The following ZFAND1 variants were observed in gnomAD, a reference collection of about 807,000 sequenced individuals.
The protein encoded by ZFAND1 is zinc finger AN1-type containing 1.
Under a neutral mutation model 38.5 loss-of-function variants are expected in ZFAND1, and 40 were observed. That is an observed-to-expected ratio of 1.04 (90% CI 0.81 to 1.35). The LOEUF is 1.35. Ranked by LOEUF, ZFAND1 falls within the 40% of genes most tolerant of loss-of-function variation. The pLI is 0.00. For missense variants in ZFAND1, 346 were observed against 316.3 expected, an observed-to-expected ratio of 1.09 and a Z score of -0.71; for synonymous variants, 117 against 103.6, an observed-to-expected ratio of 1.13 and a Z score of -0.78.
chr8:81,710,536 C>T (rs2130410131), intron 6 of ZFAND1, among the ~76,000 whole-genome samples: 1 of 151,784 alleles, frequency 6.6e-6, no homozygotes, highest in Admixed American at 6.6e-5. Flanking sequence ...CAATGACCAC[C>T]ATAAACAAGA....
At chr8:81,718,394 G>A (rs1808376501) in intron 1 of ZFAND1, among the ~76,000 whole-genome samples, 170 bp from the exon 2 acceptor site, 1 of 152,070 alleles carries the variant, frequency 6.6e-6, no homozygotes, top group Admixed American at 6.5e-5. Context: ...ATAACTGACA[G>A]AAAGTAATTG....
At chr8:81,711,018 G>A (rs1808125815) in intron 6 of ZFAND1, among the ~76,000 whole-genome samples, 1 of 152,180 alleles carries the variant, frequency 6.6e-6, no homozygotes, top group Admixed American at 6.5e-5. Context: ...AAAGAATATG[G>A]AAAAGTTATT....
chr8:81,702,869 T>C lies in ZFAND1; in HGVS notation c.637-4A>G. 1 of 1,580,754 alleles carries C rather than the reference T, an allele frequency of 6.3e-7. No individual in the cohort carries two copies. Among genetic ancestry groups the C allele is most frequent in the Non-Finnish European group, 8.6e-7 (1 of 1,167,680 alleles). On this transcript the variant is annotated splice_region_variant and splice_polypyrimidine_tract_variant and intron_variant, in intron 7 of 7. Coordinates refer to ENST00000220669, the MANE Select transcript of ZFAND1 (RefSeq NM_024699.3). Reference sequence around the variant, plus strand: ...TAATGTGACACAGCCTTAATTTCTGTGAAGGGAGAAGTAAGTCATACTGTA... The same window carrying C: ...TAATGTGACACAGCCTTAATTTCTGCGAAGGGAGAAGTAAGTCATACTGTA...
chr8:81,708,898 C>T (rs1250993227), intron 6 of ZFAND1: 2 of 665,294 alleles, frequency 3.0e-6, no homozygotes, highest in East Asian at 8.5e-5. Context: ...AAAACTAGAG[C>T]CACAAAACTA....
At position 81,702,383 on chromosome 8, in the gene ZFAND1, C is replaced by G. The variant is rs1324594761; in HGVS notation, c.*312G>C. 2 of 173,920 alleles carry G rather than the reference C, an allele frequency of 1.1e-5. No homozygotes were observed. The highest frequency in any genetic ancestry group is 4.7e-5 in the African/African-American group (2 of 42,166). The allele number at this position is 173,920 out of a possible 1,614,324, so 10.8% of individuals were successfully genotyped here. ...CTTTGATCATGGTAAGAAGATGACA[C>G]AAAGCAGTGTCACAGCCAATCAACA... On this transcript the variant is annotated 3_prime_UTR_variant, in exon 8 of 8. Coordinates refer to ENST00000220669, the MANE Select transcript of ZFAND1 (RefSeq NM_024699.3).
At chr8:81,721,124 C>T in intron 1 of ZFAND1, 103 bp downstream of exon 1, 2 of 1,420,830 alleles carry the variant, frequency 1.4e-6, no homozygotes, top group Non-Finnish European at 9.6e-7. Context: ...CAGGCCCTGC[C>T]CAGCCTTGTG....
intron 6 of ZFAND1, among the ~76,000 whole-genome samples, chr8:81,708,096 A>G (rs940712088): frequency 1.7e-4 from 26 of 152,048 alleles, no homozygotes; most frequent in African/African-American, 6.0e-4. Context: ...TAAAAATACA[A>G]AAATTAGCCG....
At chr8:81,708,248 CAA>C (rs746812833) in intron 6 of ZFAND1, among the ~76,000 whole-genome samples, 18 of 62,942 alleles carry the variant, frequency 2.9e-4, no homozygotes, top group Middle Eastern at 0.011. Flanking sequence ...AAAGCTCCAT[CAA>C]AAAAAAAAAA....
At chr8:81,717,351 C>A (rs748526045) in intron 2 of ZFAND1, 63 bp from the exon 3 acceptor site, 2 of 1,339,042 alleles carry the variant, frequency 1.5e-6, no homozygotes, top group South Asian at 1.7e-5. Flanking sequence ...CAGAAATTTG[C>A]GATATTTTAA....
At chr8:81,706,109 T>C (rs183410309) in intron 6 of ZFAND1, among the ~76,000 whole-genome samples, 6 of 151,870 alleles carry the variant, frequency 4.0e-5, no homozygotes, top group African/African-American at 1.2e-4. Context: ...AATTGGAAAA[T>C]ATCACAAGAA....
At chr8:81,705,133 T>C (rs1475591008) in intron 6 of ZFAND1, among the ~76,000 whole-genome samples, 27 of 152,126 alleles carry the variant, frequency 1.8e-4, no homozygotes, top group Admixed American at 1.6e-3. Flanking sequence ...TCAGGCTCCC[T>C]GCTCGGAAGC....
At chr8:81,719,256 G>A (rs147115748) in intron 1 of ZFAND1, among the ~76,000 whole-genome samples, 2,515 of 149,154 alleles carry the variant, frequency 0.017, 70 homozygotes, top group African/African-American at 0.059. Flanking sequence ...ATCACCTGAG[G>A]TCAAGAGTTT....
At chr8:81,708,212 T>C (rs536812301) in intron 6 of ZFAND1, among the ~76,000 whole-genome samples, 2 of 140,216 alleles carry the variant, frequency 1.4e-5, no homozygotes, top group East Asian at 4.5e-4. Flanking sequence ...ATCGCACCAT[T>C]GCGCTCCAGA....
At chr8:81,721,050 CAAAA>C (rs1189234483) in intron 1 of ZFAND1, 173 bp downstream of exon 1, 1 of 590,564 alleles carries the variant, frequency 1.7e-6, no homozygotes, top group Non-Finnish European at 3.0e-6. Flanking sequence ...AGCTCACGGC[CAAAA>C]AAAACCCGCA....
At chr8:81,709,437 T>A (rs979762575) in intron 6 of ZFAND1, among the ~76,000 whole-genome samples, 4 of 151,546 alleles carry the variant, frequency 2.6e-5, no homozygotes, top group Admixed American at 2.0e-4. Flanking sequence ...ATAGAAAGTA[T>A]TTTTTTTTAA....
At chr8:81,719,279 G>C (rs1322665102) in intron 1 of ZFAND1, among the ~76,000 whole-genome samples, 1 of 146,258 alleles carries the variant, frequency 6.8e-6, no homozygotes, top group Non-Finnish European at 1.5e-5. Context: ...AAACAGCCTG[G>C]CCAACATGGC....
rs367700328 is a variant in ZFAND1 at position 81,714,079 on chromosome 8, T to C, written c.359-40A>G. 5 of 1,532,370 alleles carry C rather than the reference T, an allele frequency of 3.3e-6. No individual in the cohort carries two copies. In the African/African-American group the frequency reaches 4.2e-5, roughly 13 times the overall value. 94.9% of individuals were successfully genotyped at this position (1,532,370 alleles called of 1,614,324 possible). A position where few individuals can be genotyped will look rare whatever the true frequency, so the allele number is the denominator to read the frequency against. ...CATGTAATCACATAAAACTTTCACATTACAAATAGAATTTTATTATAATAC... is the reference window on the plus strand; with the variant it reads ...CATGTAATCACATAAAACTTTCACACTACAAATAGAATTTTATTATAATAC... On this transcript the variant is annotated intron_variant, in intron 5 of 7. Coordinates refer to ENST00000220669, the MANE Select transcript of ZFAND1 (RefSeq NM_024699.3).
At chr8:81,718,641 G>GAT in intron 1 of ZFAND1, among the ~76,000 whole-genome samples, 1 of 148,866 alleles carries the variant, frequency 6.7e-6, no homozygotes, top group Non-Finnish European at 1.5e-5. Context: ...TAAAACTTTG[G>GAT]ATATATATAT....
At chr8:81,713,078 C>T (rs1485159201) in intron 6 of ZFAND1, among the ~76,000 whole-genome samples, 1 of 152,054 alleles carries the variant, frequency 6.6e-6, no homozygotes, top group Admixed American at 6.6e-5. Context: ...GGAAAATCAA[C>T]CTGATAGGTT....
Sources: allele counts gnomAD v4.1 joint callset (sites outside exome capture counted in the v4.1 genomes callset), GRCh38; gene constraint gnomAD v4.1.1; transcripts MANE v1.5; gene names NCBI Gene and HGNC (gene_info 2026-07-23, HGNC 2026-07-21).